The following ZFPM2 variants were observed in gnomAD, a reference collection of about 807,000 sequenced individuals.
ZFPM2 encodes zinc finger protein ZFPM2.
A neutral mutation model predicts 98.6 loss-of-function variants in ZFPM2; 20 were observed. The observed-to-expected ratio is 0.20, with a 90% CI of 0.14 to 0.29. The LOEUF (loss-of-function observed/expected upper bound fraction) is 0.29, where lower values mean the gene tolerates loss of function less well. ZFPM2 is among the 10% of genes least tolerant of loss of function. ZFPM2 has a pLI of 1.00. For missense variants in ZFPM2, 1,310 were observed against 1,388.6 expected (o/e 0.94, Z 0.90); for synonymous variants, 518 against 502.7 (o/e 1.03, Z -0.41).
intron 1 of ZFPM2, among the ~76,000 whole-genome samples, chr8:105,384,189 A>G (rs1484127888): frequency 6.6e-6 from 1 of 152,094 alleles, no homozygotes; most frequent in Non-Finnish European, 1.5e-5. Context: ...ATGGAATCAC[A>G]CATCAGAAAC....
intron 1 of ZFPM2, among the ~76,000 whole-genome samples, chr8:105,336,173 T>C (rs142690323): frequency 0.015 from 2,352 of 151,912 alleles, 66 homozygotes; most frequent in African/African-American, 0.054. Context: ...ACGTTCCTGC[T>C]CTGCCACTTC....
At chr8:105,482,719 C>G (rs1426020762) in intron 3 of ZFPM2, among the ~76,000 whole-genome samples, 3 of 151,938 alleles carry the variant, frequency 2.0e-5, no homozygotes, top group African/African-American at 7.3e-5. Flanking sequence ...CCCAGGACAC[C>G]CTCCTATTTT....
intron 5 of ZFPM2, among the ~76,000 whole-genome samples, chr8:105,679,312 T>C (rs1810547762): frequency 6.6e-6 from 1 of 152,162 alleles, no homozygotes; most frequent in Admixed American, 6.5e-5. Flanking sequence ...CCCCTTCCCA[T>C]TTAGACTGTG....
intron 1 of ZFPM2, among the ~76,000 whole-genome samples, chr8:105,398,048 A>T (rs1312534668): frequency 6.6e-6 from 1 of 152,166 alleles, no homozygotes; most frequent in East Asian, 1.9e-4. Context: ...CAATTCATGT[A>T]TTTTTTAAAA....
At chr8:105,793,284 G>T (rs1586273306) in intron 6 of ZFPM2, among the ~76,000 whole-genome samples, 1 of 151,984 alleles carries the variant, frequency 6.6e-6, no homozygotes, top group East Asian at 1.9e-4. Flanking sequence ...AGGCCTGGTG[G>T]TGACAAAATC....
chr8:105,730,705 G>C (rs1233922705), intron 5 of ZFPM2, among the ~76,000 whole-genome samples: 1 of 151,080 alleles, frequency 6.6e-6, no homozygotes, highest in Non-Finnish European at 1.5e-5. Flanking sequence ...TTAAAGGCCT[G>C]AAGGAAACCG....
intron 1 of ZFPM2, among the ~76,000 whole-genome samples, chr8:105,406,641 A>G (rs1465555773): frequency 1.3e-5 from 2 of 151,954 alleles, no homozygotes; most frequent in African/African-American, 2.4e-5. Context: ...GTGTGTCCCA[A>G]TGTGGGATCT....
At chr8:105,345,305 A>G (rs1812501099) in intron 1 of ZFPM2, among the ~76,000 whole-genome samples, 1 of 152,110 alleles carries the variant, frequency 6.6e-6, no homozygotes, top group Non-Finnish European at 1.5e-5. Context: ...ATCTTTGACA[A>G]ACTTCTTAGT....
chr8:105,617,020 GAAAAAAAAAAAAAAAAAAAAAAAAAAAA>G (rs773023421), intron 4 of ZFPM2, among the ~76,000 whole-genome samples: 3 of 28,136 alleles, frequency 1.1e-4, no homozygotes, highest in South Asian at 1.8e-3. Flanking sequence ...ACTCTGTCTC[GAAAAAAAAAAAAAAAAAAAAAAAAAAAA>G]AAAAAAAAAA....
intron 3 of ZFPM2, among the ~76,000 whole-genome samples, chr8:105,532,786 A>G (rs1814324217): frequency 6.6e-6 from 1 of 152,136 alleles, no homozygotes; most frequent in Non-Finnish European, 1.5e-5. Flanking sequence ...TGCTGGGCAT[A>G]ATTTTTACTC....
chr8:105,520,866 G>A (rs1814038751), intron 3 of ZFPM2, among the ~76,000 whole-genome samples: 3 of 145,808 alleles, frequency 2.1e-5, no homozygotes, highest in African/African-American at 7.3e-5. Context: ...GAGAGTGAGA[G>A]ACATATGGGG....
At position 105,803,360 on chromosome 8, in the gene ZFPM2, G is replaced by T. The variant is rs1205179234; in HGVS notation, c.3278G>T (p.Gly1093Val). The change falls in exon 8 of 8, where the codon GGA becomes GTA. Residue 1093 changes from glycine to valine, a missense_variant. By Grantham distance (109) the Gly-to-Val change is moderately radical. Transcript: ENST00000407775. ...PLAANENVSP[G>V]IPSAEEQLSS... is the part of the protein sequence containing the mutation. ...GCTGCCAATGAGAATGTCTCACCAG[G>T]AATTCCCTCAGCAGAGGAACAGTTG... 1 of 1,611,542 alleles carries T rather than the reference G, an allele frequency of 6.2e-7. No individual in the cohort carries two copies. Among genetic ancestry groups the T allele is most frequent in the Non-Finnish European group, 8.5e-7 (1 of 1,178,224 alleles).
intron 5 of ZFPM2, among the ~76,000 whole-genome samples, chr8:105,694,282 A>T (rs527339689): frequency 1.3e-4 from 19 of 151,974 alleles, no homozygotes; most frequent in Non-Finnish European, 2.2e-4. Context: ...CACCGCGCCC[A>T]GCCTCTCCAA....
intron 1 of ZFPM2, among the ~76,000 whole-genome samples, chr8:105,347,688 A>G (rs115911564): frequency 2.2e-3 from 335 of 152,260 alleles, no homozygotes; most frequent in African/African-American, 7.5e-3. Context: ...GCTTGGCCCT[A>G]CCGCACAGTT....
At chr8:105,387,101 A>T (rs921646262) in intron 1 of ZFPM2, 12 of 152,396 alleles carry the variant, frequency 7.9e-5, no homozygotes, top group African/African-American at 2.9e-4. Context: ...CTAGATAGAG[A>T]GTGTGGATTG....
chr8:105,411,009 A>C (rs1373066529), intron 1 of ZFPM2, among the ~76,000 whole-genome samples: 1 of 151,874 alleles, frequency 6.6e-6, no homozygotes, highest in African/African-American at 2.4e-5. Flanking sequence ...AGGACCATGG[A>C]TTTCACACTG....
chr8:105,424,523 C>T (rs181739861), intron 2 of ZFPM2, among the ~76,000 whole-genome samples: 1 of 152,130 alleles, frequency 6.6e-6, no homozygotes, highest in Admixed American at 6.5e-5. Context: ...TCACTACATT[C>T]AAAAAGAGTC....
chr8:105,544,240 A>G (rs2130635281), intron 3 of ZFPM2, among the ~76,000 whole-genome samples: 1 of 152,328 alleles, frequency 6.6e-6, no homozygotes, highest in South Asian at 2.1e-4. Context: ...GTGTTAGAAT[A>G]TTTATAAAAT....
At position 105,521,086 on chromosome 8, in the gene ZFPM2, TG is replaced by T. The variant is rs543068938; in HGVS notation, c.302-40276del. 1.5e-3 allele frequency among the ~76,000 whole-genome samples: 226 copies of T among 151,924 alleles called. 1 individual carries two copies. Among genetic ancestry groups the T allele is most frequent in the Middle Eastern group, 3.4e-3 (1 of 294 alleles). ...ACTGAACATATGTGCCCACAGTTCT[TG>T]CTGTCTGAAATCCTGTAAAATTTGT... On this transcript the variant is annotated intron_variant, in intron 3 of 7. Transcript: ENST00000407775.
Sources: allele counts gnomAD v4.1 joint callset (sites outside exome capture counted in the v4.1 genomes callset), GRCh38; gene constraint gnomAD v4.1.1; transcripts MANE v1.5; gene names NCBI Gene and HGNC (gene_info 2026-07-23, HGNC 2026-07-21).